The following ERC1 variants were observed in gnomAD, a reference collection of about 807,000 sequenced individuals.
The protein encoded by ERC1 is RAB6 interacting protein 2.
Under a neutral mutation model 132.0 loss-of-function variants are expected in ERC1, and 56 were observed. The ratio of observed to expected loss-of-function variants is 0.42; its 90% CI spans 0.34 to 0.53. ERC1 has a LOEUF of 0.53. Ranked by LOEUF, ERC1 falls within the 20% of genes least tolerant of loss-of-function variation. The pLI is 0.03. For missense variants in ERC1, 1,202 were observed against 1,349.9 expected (o/e 0.89, Z 1.72); for synonymous variants, 478 against 476.1 (o/e 1.00, Z -0.05).
At chr12:1,051,396 A>G in intron 2 of ERC1, among the ~76,000 whole-genome samples, 1 of 152,160 alleles carries the variant, frequency 6.6e-6, no homozygotes, top group African/African-American at 2.4e-5. Context: ...ATAATTAGAA[A>G]TAAAGAAGAC....
chr12:1,377,711 C>G (rs529497677), intron 16 of ERC1, among the ~76,000 whole-genome samples: 3 of 152,114 alleles, frequency 2.0e-5, no homozygotes, highest in African/African-American at 7.2e-5. Flanking sequence ...TTTTCCTCCT[C>G]GTGGAAAAGG....
chr12:1,112,189 G>T lies in ERC1; in HGVS notation c.1318-26G>T, dbSNP rs750596017. The T allele has an allele frequency of 7.1e-6, 11 of 1,546,614 alleles. No individual in the cohort carries two copies. In the Admixed American group the frequency reaches 1.7e-4, roughly 24 times the overall value. On this transcript the variant is annotated intron_variant, in intron 5 of 18. Coordinates refer to ENST00000360905, the MANE Select transcript of ERC1 (RefSeq NM_178040.4). ...AGAAGACCTAAGTTGACACATAAGT[G>T]AAAAAGAATAATAATGTCGTGACAG...
intron 2 of ERC1, among the ~76,000 whole-genome samples, chr12:1,082,277 C>A (rs566349597): frequency 2.0e-5 from 3 of 151,776 alleles, no homozygotes; most frequent in Non-Finnish European, 4.4e-5. Flanking sequence ...GTGCCCGACT[C>A]GGCCTCCCAA....
Position 1,389,817 on chromosome 12 carries a change from C to T in ERC1, c.2925+17840C>T, listed in dbSNP as rs182126782. 1.9e-4 allele frequency among the ~76,000 whole-genome samples: 29 copies of T among 152,240 alleles called. 1 individual carries two copies. Among genetic ancestry groups the T allele is most frequent in the East Asian group, 1.5e-3 (8 of 5,190 alleles). ...ATTCTGTCCAAATCCTATTAATTCCCGGGTATTTTGCCTATTTTCCTTAAA... is the reference window on the plus strand; with the variant it reads ...ATTCTGTCCAAATCCTATTAATTCCTGGGTATTTTGCCTATTTTCCTTAAA... On this transcript the variant is annotated intron_variant, in intron 16 of 18. Coordinates refer to ENST00000360905, the MANE Select transcript of ERC1 (RefSeq NM_178040.4).
At chr12:1,442,783 A>G (rs1288802502) in intron 17 of ERC1, among the ~76,000 whole-genome samples, 1 of 152,256 alleles carries the variant, frequency 6.6e-6, no homozygotes, top group Non-Finnish European at 1.5e-5. Flanking sequence ...CTGACAATAT[A>G]ATGTTAAATA....
chr12:1,169,737 C>A (rs1411525419), intron 8 of ERC1, among the ~76,000 whole-genome samples: 1 of 152,152 alleles, frequency 6.6e-6, no homozygotes, highest in Non-Finnish European at 1.5e-5. Flanking sequence ...CATCATATTT[C>A]CTTCACACCT....
chr12:1,278,608 C>T (rs1246966344), intron 14 of ERC1, among the ~76,000 whole-genome samples: 2 of 152,162 alleles, frequency 1.3e-5, no homozygotes, highest in South Asian at 2.1e-4. Context: ...GATTAGAAAA[C>T]AACACAAATC....
intron 15 of ERC1, among the ~76,000 whole-genome samples, chr12:1,317,385 C>T (rs1200230355): frequency 1.3e-5 from 2 of 151,378 alleles, no homozygotes; most frequent in African/African-American, 2.4e-5. Context: ...AGGGGAACAT[C>T]ACACACGGCC....
intron 5 of ERC1, among the ~76,000 whole-genome samples, chr12:1,111,081 T>C (rs934594922): frequency 4.6e-5 from 7 of 152,156 alleles, no homozygotes; most frequent in African/African-American, 1.7e-4. Context: ...GGAAAGCCCT[T>C]TCTTTGCCCT....
rs1197820798 is a variant in ERC1 at position 1,495,460 on chromosome 12, G to C, written c.*5230G>C. 8.7e-6 allele frequency: 2 copies of C among 228,886 alleles called. No individual in the cohort carries two copies. The highest frequency in any genetic ancestry group is 1.7e-5 in the Non-Finnish European group (2 of 115,410). The allele number at this position is 228,886 out of a possible 1,614,324, so 14.2% of individuals were successfully genotyped here. Reference sequence around the variant, plus strand: ...CACCCCGGCCAAAGCAGGCCCTCTGGGTCCAGCCCCTCATTCCACACCACG... The same window carrying C: ...CACCCCGGCCAAAGCAGGCCCTCTGCGTCCAGCCCCTCATTCCACACCACG... On this transcript the variant is annotated 3_prime_UTR_variant, in exon 19 of 19. Transcript: ENST00000360905.
At chr12:1,007,050 A>G (rs1963767013) in intron 1 of ERC1, among the ~76,000 whole-genome samples, 1 of 151,952 alleles carries the variant, frequency 6.6e-6, no homozygotes, top group Non-Finnish European at 1.5e-5. Context: ...TTGGCAGTAC[A>G]GTGTTTGAGG....
chr12:1,395,080 A>G (rs1386104057), intron 16 of ERC1, among the ~76,000 whole-genome samples: 2 of 152,230 alleles, frequency 1.3e-5, no homozygotes, highest in Non-Finnish European at 1.5e-5. Flanking sequence ...AAATGATCCT[A>G]TGACATTAAA....
Position 1,492,048 on chromosome 12 carries a change from T to C in ERC1, c.*1818T>C. 1 of 233,052 alleles carries C rather than the reference T, an allele frequency of 4.3e-6. No homozygotes were observed. 14.4% of individuals were successfully genotyped at this position (233,052 alleles called of 1,614,324 possible). A position where few individuals can be genotyped will look rare whatever the true frequency, so the allele number is the denominator to read the frequency against. On this transcript the variant is annotated 3_prime_UTR_variant, in exon 19 of 19. Coordinates refer to ENST00000360905, the MANE Select transcript of ERC1 (RefSeq NM_178040.4). ...CCAGGAACTTCCCACCACCAGCCCT[T>C]GACTGTCCCATTAACTGACATGGTC...
At position 1,113,488 on chromosome 12, in the gene ERC1, G is replaced by T. The variant is rs1231551716; in HGVS notation, c.1401+1190G>T. Among the ~76,000 whole-genome samples the T allele has an allele frequency of 6.6e-5, 10 of 152,152 alleles. No homozygotes were observed. In the South Asian group the frequency reaches 2.1e-3, roughly 31 times the overall value. ...CCTATACTAGGCTGTGCACACATTT[G>T]TCAAAGTGTCAGCAAAAACTGCTTC... On this transcript the variant is annotated intron_variant, in intron 6 of 18. Coordinates refer to ENST00000360905, the MANE Select transcript of ERC1 (RefSeq NM_178040.4).
At chr12:1,219,287 G>T (rs538143163) in intron 12 of ERC1, among the ~76,000 whole-genome samples, 1 of 152,258 alleles carries the variant, frequency 6.6e-6, no homozygotes, top group East Asian at 1.9e-4. Flanking sequence ...AATGTCTTTA[G>T]TTAAATATCA....
chr12:1,320,869 T>C (rs1004946627), intron 15 of ERC1, among the ~76,000 whole-genome samples: 3 of 152,002 alleles, frequency 2.0e-5, no homozygotes, highest in Non-Finnish European at 2.9e-5. Flanking sequence ...GCCCAGCTAA[T>C]TTTTTGTATT....
chr12:1,011,646 C>T (rs1486929807), intron 1 of ERC1, among the ~76,000 whole-genome samples: 1 of 152,082 alleles, frequency 6.6e-6, no homozygotes, highest in African/African-American at 2.4e-5. Context: ...AAAATATATT[C>T]TTGAAGGCTG....
intron 15 of ERC1, among the ~76,000 whole-genome samples, chr12:1,321,625 A>G (rs1566582489): frequency 6.6e-6 from 1 of 152,314 alleles, no homozygotes; most frequent in East Asian, 1.9e-4. Flanking sequence ...CAAATAGAGT[A>G]TCTTACTCAT....
At chr12:1,365,706 A>G (rs1333935313) in intron 15 of ERC1, among the ~76,000 whole-genome samples, 1 of 152,256 alleles carries the variant, frequency 6.6e-6, no homozygotes, top group East Asian at 1.9e-4. Context: ...AATGCAGAAC[A>G]TGAACAATAC....
Sources: allele counts gnomAD v4.1 joint callset (sites outside exome capture counted in the v4.1 genomes callset), GRCh38; gene constraint gnomAD v4.1.1; transcripts MANE v1.5; gene names NCBI Gene and HGNC (gene_info 2026-07-23, HGNC 2026-07-21).